RFX3: variants seen among roughly 807,000 people sequenced by gnomAD.
RFX3 encodes the protein regulatory factor X3.
A neutral mutation model predicts 98.6 loss-of-function variants in RFX3; 14 were observed. The ratio of observed to expected loss-of-function variants is 0.14; its 90% CI spans 0.09 to 0.22. The LOEUF is 0.22. Ranked by LOEUF, RFX3 falls within the 10% of genes least tolerant of loss-of-function variation. The pLI, the probability that RFX3 is intolerant of heterozygous loss-of-function variation, is 1.00. For missense variants in RFX3, 639 were observed against 926.9 expected (o/e 0.69, Z 4.03); for synonymous variants, 383 against 328.4 (o/e 1.17, Z -1.80).
At chr9:3,356,047 G>A (rs1048395645) in intron 2 of RFX3, among the ~76,000 whole-genome samples, 1 of 146,608 alleles carries the variant, frequency 6.8e-6, no homozygotes, top group Non-Finnish European at 1.5e-5. Flanking sequence ...CGCATAGAGG[G>A]AAATTTATAA....
At chr9:3,450,601 G>C (rs1846512999) in intron 1 of RFX3, among the ~76,000 whole-genome samples, 1 of 152,112 alleles carries the variant, frequency 6.6e-6, no homozygotes, top group African/African-American at 2.4e-5. Flanking sequence ...CTACATGCTT[G>C]TTAATTTTCC....
At chr9:3,226,342 C>T (rs184455406) in intron 16 of RFX3, among the ~76,000 whole-genome samples, 1 of 152,296 alleles carries the variant, frequency 6.6e-6, no homozygotes, top group East Asian at 1.9e-4. Flanking sequence ...GCAGCTGTCT[C>T]TATAAACAAG....
chr9:3,515,792 A>G (rs987183388), intron 1 of RFX3, among the ~76,000 whole-genome samples: 1 of 152,232 alleles, frequency 6.6e-6, no homozygotes, highest in Non-Finnish European at 1.5e-5. Context: ...GCTATTAGGC[A>G]TGCAAATCTG....
At chr9:3,296,258 TAAAGA>T (rs1827974157) in intron 5 of RFX3, among the ~76,000 whole-genome samples, 1 of 151,910 alleles carries the variant, frequency 6.6e-6, no homozygotes, top group South Asian at 2.1e-4. Flanking sequence ...CCACTCTTCA[TAAAGA>T]AAACTTTTCA....
At chr9:3,504,226 TATACTATATATTA>T (rs1816417038) in intron 1 of RFX3, among the ~76,000 whole-genome samples, 21 of 133,968 alleles carry the variant, frequency 1.6e-4, no homozygotes, top group Non-Finnish European at 1.5e-5. Flanking sequence ...TACTATATTA[TATACTATATATTA>T]TATATATATT....
At chr9:3,358,009 T>A (rs1256338910) in intron 2 of RFX3, among the ~76,000 whole-genome samples, 1 of 152,088 alleles carries the variant, frequency 6.6e-6, no homozygotes, top group Non-Finnish European at 1.5e-5. Context: ...CTAATTCAGA[T>A]TCTCAACTGG....
intron 4 of RFX3, among the ~76,000 whole-genome samples, chr9:3,329,311 G>C (rs1006262668): frequency 1.3e-5 from 2 of 150,682 alleles, no homozygotes; most frequent in Admixed American, 1.3e-4. Flanking sequence ...GGGAGGCTGA[G>C]GCAGGAGAAT....
chr9:3,232,809 T>G (rs1184023500), intron 15 of RFX3, among the ~76,000 whole-genome samples: 79 of 107,270 alleles, frequency 7.4e-4, no homozygotes, highest in South Asian at 2.0e-3. Context: ...AGAAATGGGA[T>G]GGGATGTGGG....
chr9:3,218,658 TG>T lies in RFX3; in HGVS notation c.*6383del, dbSNP rs1452704547. The T allele has an allele frequency of 6.6e-6, 1 of 152,152 alleles. No individual in the cohort carries two copies. The highest frequency in any genetic ancestry group is 2.4e-5 in the African/African-American group (1 of 41,460). 9.4% of individuals were successfully genotyped at this position (152,152 alleles called of 1,614,324 possible). On this transcript the variant is annotated 3_prime_UTR_variant, in exon 17 of 17. Transcript: ENST00000617270. Reference sequence around the variant, plus strand: ...ATACATTATACAAAAAACCATCACATGTTATTCGGTAAAGATGTTTTTAAAT... The same window carrying T: ...ATACATTATACAAAAAACCATCACATTTATTCGGTAAAGATGTTTTTAAAT...
At chr9:3,247,582 T>C in intron 15 of RFX3, 2 of 1,235,714 alleles carry the variant, frequency 1.6e-6, no homozygotes, top group Non-Finnish European at 2.0e-6. Flanking sequence ...AAAATGTTAG[T>C]TATCATCATT....
At chr9:3,279,409 T>C (rs976256239) in intron 7 of RFX3, among the ~76,000 whole-genome samples, 1 of 151,820 alleles carries the variant, frequency 6.6e-6, no homozygotes, top group Non-Finnish European at 1.5e-5. Flanking sequence ...ATTTGAGTTA[T>C]TAATATTTAC....
At chr9:3,334,558 AGAG>A (rs1338198587) in intron 3 of RFX3, among the ~76,000 whole-genome samples, 2 of 152,220 alleles carry the variant, frequency 1.3e-5, no homozygotes, top group African/African-American at 2.4e-5. Context: ...TGACCAAAGA[AGAG>A]GAGAAGGGAT....
intron 9 of RFX3, 37 bp from the exon 10 acceptor site, chr9:3,271,155 A>G (rs1291055104): frequency 6.4e-7 from 1 of 1,560,980 alleles, no homozygotes; most frequent in Non-Finnish European, 8.8e-7. Context: ...ACCTTACAAT[A>G]TTATTTACGG....
At chr9:3,412,480 T>C (rs1425464942) in intron 1 of RFX3, among the ~76,000 whole-genome samples, 1 of 152,216 alleles carries the variant, frequency 6.6e-6, no homozygotes, top group African/African-American at 2.4e-5. Context: ...TCAAACCATT[T>C]AATAAAGATA....
intron 2 of RFX3, among the ~76,000 whole-genome samples, chr9:3,366,694 CTTTCTTTCTTTCTTTCTTTCT>C (rs1837152382): frequency 1.2e-4 from 1 of 8,304 alleles, no homozygotes; most frequent in East Asian, 3.8e-3. Flanking sequence ...TCTTTCTTTC[CTTTCTTTCTTTCTTTCTTTCT>C]TTCTTTCTTT....
At chr9:3,466,827 C>A (rs547626576) in intron 1 of RFX3, among the ~76,000 whole-genome samples, 1 of 151,476 alleles carries the variant, frequency 6.6e-6, no homozygotes, top group South Asian at 2.1e-4. Flanking sequence ...AGTTTCTATC[C>A]CTGAAACAGA....
At chr9:3,503,069 A>G (rs952396944) in intron 1 of RFX3, among the ~76,000 whole-genome samples, 3 of 152,178 alleles carry the variant, frequency 2.0e-5, no homozygotes, top group African/African-American at 7.2e-5. Context: ...CATAAACACA[A>G]CGGTGGTACA....
chr9:3,449,081 C>G (rs1463333769), intron 1 of RFX3, among the ~76,000 whole-genome samples: 1 of 152,148 alleles, frequency 6.6e-6, no homozygotes, highest in African/African-American at 2.4e-5. Flanking sequence ...TTTCAACCCC[C>G]TCTGTACCTC....
chr9:3,493,703 ATAT>A (rs1564172575), intron 1 of RFX3, among the ~76,000 whole-genome samples: 1,449 of 76,496 alleles, frequency 0.019, 40 homozygotes, highest in African/African-American at 0.097. Context: ...AAAAAAAAAT[ATAT>A]ATATATATAT....
Sources: allele counts gnomAD v4.1 joint callset (sites outside exome capture counted in the v4.1 genomes callset), GRCh38; gene constraint gnomAD v4.1.1; transcripts MANE v1.5; gene names NCBI Gene and HGNC (gene_info 2026-07-23, HGNC 2026-07-21).